The following PTCSC3 variants were observed in gnomAD, a reference collection of about 807,000 sequenced individuals.
PTCSC3 encodes the protein papillary thyroid carcinoma susceptibility candidate 3, also known as papillary thyroid carcinoma susceptibility candidate 3 (non-protein coding).
chr14:36,169,903 T>C (rs1379664657), intron 1 of PTCSC3, among the ~76,000 whole-genome samples: 1 of 152,112 alleles, frequency 6.6e-6, no homozygotes, highest in African/African-American at 2.4e-5. Context: ...ATGAATTAGA[T>C]TTACAATAAA....
At chr14:36,157,664 C>T (rs1381693560) in intron 2 of PTCSC3, among the ~76,000 whole-genome samples, 3 of 151,498 alleles carry the variant, frequency 2.0e-5, no homozygotes, top group Non-Finnish European at 4.4e-5. Flanking sequence ...TTCCCCATTG[C>T]TTGTTTTGAT....
chr14:36,159,047 G>A (rs929572869), intron 2 of PTCSC3, among the ~76,000 whole-genome samples: 37 of 104,064 alleles, frequency 3.6e-4, no homozygotes, highest in Non-Finnish European at 8.1e-5. Flanking sequence ...GCATAGAGGT[G>A]TTTAAAGTAT....
chr14:36,162,272 A>C (rs910169285), intron 2 of PTCSC3, among the ~76,000 whole-genome samples: 3 of 150,676 alleles, frequency 2.0e-5, no homozygotes, highest in South Asian at 2.1e-4. Flanking sequence ...AAAAAAAAAA[A>C]AAAAAAAAAA....
rs1181110159 is a variant in PTCSC3, at chr14:36,174,877, AAAT to A, written n.171+1418_171+1420del. 2.9e-3 allele frequency among the ~76,000 whole-genome samples: 440 copies of A among 152,256 alleles called. 2 individuals are homozygous for A. Among genetic ancestry groups the A allele is most frequent in the African/African-American group, 1.0e-2 (414 of 41,544 alleles). On this transcript the variant is annotated intron_variant and non_coding_transcript_variant, in intron 1 of 3. Coordinates refer to ENST00000556013, the Ensembl canonical transcript of PTCSC3. The stretch of plus-strand genomic sequence containing the variant: ...TCAGGAGTTTTAACAAGATGTTAAT[AAAT>A]CTCTCCTCTCTGGCAGGGCCAGAAC...
At chr14:36,145,242 T>C (rs1404673226) in intron 3 of PTCSC3, among the ~76,000 whole-genome samples, 1 of 148,434 alleles carries the variant, frequency 6.7e-6, no homozygotes, top group Non-Finnish European at 1.5e-5. Flanking sequence ...ATGGTACCAG[T>C]TCCTCTTTGT....
At chr14:36,167,672 C>T (rs1882116390) in intron 1 of PTCSC3, among the ~76,000 whole-genome samples, 1 of 152,048 alleles carries the variant, frequency 6.6e-6, no homozygotes, top group African/African-American at 2.4e-5. Context: ...CATGAAAAGC[C>T]AAGTCATCAT....
chr14:36,138,689 A>C (rs1881343317), intron 3 of PTCSC3, among the ~76,000 whole-genome samples: 2 of 152,244 alleles, frequency 1.3e-5, no homozygotes, highest in African/African-American at 4.8e-5. Context: ...ATTGGTGAGA[A>C]TATGGAATTC....
At chr14:36,151,566 T>A (rs1370263073) in intron 3 of PTCSC3, among the ~76,000 whole-genome samples, 1 of 152,252 alleles carries the variant, frequency 6.6e-6, no homozygotes, top group African/African-American at 2.4e-5. Context: ...TATTATCTTA[T>A]GATAATCTTA....
At chr14:36,163,094 A>C (rs1017090500) in intron 1 of PTCSC3, among the ~76,000 whole-genome samples, 83 of 151,800 alleles carry the variant, frequency 5.5e-4, no homozygotes, top group African/African-American at 1.9e-3. Flanking sequence ...ATTAAGTGAA[A>C]AAAAAAATAG....
intron 3 of PTCSC3, among the ~76,000 whole-genome samples, chr14:36,152,009 A>G (rs1881734172): frequency 6.6e-6 from 1 of 152,230 alleles, no homozygotes; most frequent in Middle Eastern, 3.4e-3. Flanking sequence ...TGGATCTAAG[A>G]AGATTTGTTG....
intron 3 of PTCSC3, among the ~76,000 whole-genome samples, chr14:36,146,345 C>T (rs978203709): frequency 5.5e-5 from 8 of 146,750 alleles, no homozygotes; most frequent in African/African-American, 2.0e-4. Context: ...TCTGGGTGCT[C>T]CTATATTGGG....
At chr14:36,157,537 TA>T (rs1175450544) in intron 2 of PTCSC3, among the ~76,000 whole-genome samples, 2 of 152,144 alleles carry the variant, frequency 1.3e-5, no homozygotes, top group Non-Finnish European at 2.9e-5. Context: ...TTTTAGGTCC[TA>T]CGTTTACATC....
chr14:36,168,398 T>TATATATATATATATATTA (rs1594456883), intron 1 of PTCSC3, among the ~76,000 whole-genome samples: 1 of 142,760 alleles, frequency 7.0e-6, no homozygotes, highest in Admixed American at 7.1e-5. Flanking sequence ...TATATATATA[T>TATATATATATATATATTA]TCTACTTTTT....
At chr14:36,136,734 T>A (rs570224334) in intron 3 of PTCSC3, among the ~76,000 whole-genome samples, 1 of 152,266 alleles carries the variant, frequency 6.6e-6, no homozygotes, top group East Asian at 1.9e-4. Flanking sequence ...AAAATGCAAA[T>A]AAGATATCAT....
At chr14:36,173,362 T>G (rs1882223290) in intron 1 of PTCSC3, among the ~76,000 whole-genome samples, 1 of 152,148 alleles carries the variant, frequency 6.6e-6, no homozygotes, top group African/African-American at 2.4e-5. Context: ...ACACTGTAAC[T>G]CTGAATCATA....
chr14:36,147,563 C>G (rs191947537), intron 3 of PTCSC3, among the ~76,000 whole-genome samples: 1 of 152,146 alleles, frequency 6.6e-6, no homozygotes, highest in African/African-American at 2.4e-5. Context: ...ATACATTCTT[C>G]TAAATTTTTT....
At chr14:36,175,645 CAGAA>C (rs1882269694) in intron 1 of PTCSC3, among the ~76,000 whole-genome samples, 2 of 152,242 alleles carry the variant, frequency 1.3e-5, no homozygotes, top group African/African-American at 4.8e-5. Context: ...TTGCTGGATA[CAGAA>C]AGAAAGGAGG....
chr14:36,138,358 A>T (rs1029504321), intron 3 of PTCSC3, among the ~76,000 whole-genome samples: 4 of 152,230 alleles, frequency 2.6e-5, no homozygotes, highest in Non-Finnish European at 4.4e-5. Context: ...GGACTTCAAA[A>T]TTTCAAAACT....
intron 3 of PTCSC3, among the ~76,000 whole-genome samples, chr14:36,148,588 G>A (rs977139519): frequency 1.1e-4 from 16 of 152,254 alleles, no homozygotes; most frequent in South Asian, 2.1e-4. Flanking sequence ...AGATGAACCT[G>A]GTACCTCAGA....
Sources: gnomAD v4.1 joint callset for allele counts (sites outside exome capture counted in the v4.1 genomes callset) on GRCh38, gnomAD v4.1.1 for gene constraint, MANE v1.5 for transcripts, NCBI Gene and HGNC (gene_info 2026-07-23, HGNC 2026-07-21) for gene names.